The following CSMD1 variants were observed in gnomAD, a reference collection of about 807,000 sequenced individuals.
CSMD1 encodes the protein CUB and sushi domain-containing protein 1.
A neutral mutation model predicts 417.5 loss-of-function variants in CSMD1; 213 were observed. That is an observed-to-expected ratio of 0.51 (90% CI 0.46 to 0.57). CSMD1 has a LOEUF of 0.57. CSMD1 is among the 20% of genes least tolerant of loss of function. The pLI is 0.00. For synonymous variants in CSMD1, 2,862 were observed against 1,736.8 expected, an observed-to-expected ratio of 1.65 and a Z score of -16.11; for missense variants, 6,923 against 4,529.7, an observed-to-expected ratio of 1.53 and a Z score of -15.17.
intron 1 of CSMD1, among the ~76,000 whole-genome samples, chr8:4,687,246 G>A (rs1055991807): frequency 2.0e-5 from 3 of 152,272 alleles, no homozygotes; most frequent in African/African-American, 7.2e-5. Flanking sequence ...GGTAGCCACA[G>A]GATGCTGGCA....
At chr8:3,313,058 A>G (rs2117427520) in intron 23 of CSMD1, among the ~76,000 whole-genome samples, 1 of 152,324 alleles carries the variant, frequency 6.6e-6, no homozygotes, top group South Asian at 2.1e-4. Flanking sequence ...GACAACATAA[A>G]ATTCTATGAT....
chr8:4,714,055 G>T (rs1010057913), intron 1 of CSMD1, among the ~76,000 whole-genome samples: 4 of 152,064 alleles, frequency 2.6e-5, no homozygotes, highest in African/African-American at 9.7e-5. Flanking sequence ...TGAGGCAGGA[G>T]GATCACCTGA....
At chr8:3,539,971 C>T (rs186754924) in intron 10 of CSMD1, among the ~76,000 whole-genome samples, 1 of 152,076 alleles carries the variant, frequency 6.6e-6, no homozygotes, top group Non-Finnish European at 1.5e-5. Flanking sequence ...GTTTGAGAAA[C>T]AGTCTTCTAA....
chr8:3,321,422 C>T (rs1193359979), intron 23 of CSMD1, among the ~76,000 whole-genome samples: 1 of 152,146 alleles, frequency 6.6e-6, no homozygotes, highest in Non-Finnish European at 1.5e-5. Context: ...CCTGCATATT[C>T]CTCCTGAAGG....
intron 2 of CSMD1, among the ~76,000 whole-genome samples, chr8:4,470,956 A>C (rs1166107358): frequency 6.6e-6 from 1 of 152,214 alleles, no homozygotes; most frequent in Non-Finnish European, 1.5e-5. Flanking sequence ...CTCAAGTGAC[A>C]TGTCAATTCA....
rs567457496 is a variant in CSMD1 at position 3,974,242 on chromosome 8, A to T, written c.818+23661T>A. On this transcript the variant is annotated intron_variant, in intron 5 of 69. Transcript: ENST00000635120. Reference sequence around the variant, plus strand: ...CATAAGAGTTATTTTTAAATAATATAATTATCTTAAATAATTATTTTTCTT... The same window carrying T: ...CATAAGAGTTATTTTTAAATAATATTATTATCTTAAATAATTATTTTTCTT... Among the ~76,000 whole-genome samples, 10 of 150,774 alleles carry T rather than the reference A, an allele frequency of 6.6e-5. No individual in the cohort carries two copies. In the South Asian group the frequency reaches 1.1e-3, roughly 16 times the overall value.
intron 1 of CSMD1, among the ~76,000 whole-genome samples, chr8:4,738,780 A>C (rs1427094898): frequency 6.6e-6 from 1 of 152,194 alleles, no homozygotes; most frequent in Non-Finnish European, 1.5e-5. Context: ...AGCTTGATAC[A>C]ATAAACAAAT....
At chr8:3,800,609 A>C (rs1800402201) in intron 5 of CSMD1, among the ~76,000 whole-genome samples, 1 of 152,174 alleles carries the variant, frequency 6.6e-6, no homozygotes, top group Non-Finnish European at 1.5e-5. Context: ...CCAATGTGTC[A>C]GTGTTGGGCC....
intron 10 of CSMD1, among the ~76,000 whole-genome samples, chr8:3,528,457 T>G (rs1797843819): frequency 6.6e-6 from 1 of 152,232 alleles, no homozygotes; most frequent in Admixed American, 6.5e-5. Flanking sequence ...TTCTATGCCT[T>G]GCTTCAGCTT....
At chr8:4,027,436 G>T (rs1285163624) in intron 4 of CSMD1, among the ~76,000 whole-genome samples, 7 of 152,082 alleles carry the variant, frequency 4.6e-5, no homozygotes, top group Admixed American at 1.3e-4. Context: ...GATCATGGGG[G>T]TGGGTCCTCC....
intron 2 of CSMD1, among the ~76,000 whole-genome samples, chr8:4,443,841 C>A (rs893896315): frequency 7.9e-5 from 12 of 152,172 alleles, no homozygotes; most frequent in African/African-American, 2.9e-4. Flanking sequence ...TAGTAACGAA[C>A]TTCTGGGTAA....
chr8:3,521,454 G>C (rs1338453867), intron 10 of CSMD1, among the ~76,000 whole-genome samples: 1 of 152,138 alleles, frequency 6.6e-6, no homozygotes, highest in Non-Finnish European at 1.5e-5. Flanking sequence ...CACTGGCCTT[G>C]AACTTCATGG....
chr8:4,206,389 C>G (rs977363266), intron 3 of CSMD1, among the ~76,000 whole-genome samples: 4 of 152,106 alleles, frequency 2.6e-5, no homozygotes, highest in African/African-American at 9.7e-5. Context: ...ATTCCCCACC[C>G]TGTCTCCAAC....
At chr8:4,035,854 A>G (rs1357693571) in intron 3 of CSMD1, among the ~76,000 whole-genome samples, 1 of 152,212 alleles carries the variant, frequency 6.6e-6, no homozygotes, top group East Asian at 1.9e-4. Context: ...TATGAAGTCT[A>G]CAGTCGTACA....
intron 2 of CSMD1, among the ~76,000 whole-genome samples, chr8:4,604,074 AGTT>A (rs1054973293): frequency 6.6e-6 from 1 of 152,082 alleles, no homozygotes; most frequent in African/African-American, 2.4e-5. Flanking sequence ...TCATCAACTT[AGTT>A]GTTATCATAG....
chr8:3,733,104 G>A (rs1460676982), intron 6 of CSMD1, among the ~76,000 whole-genome samples: 1 of 150,262 alleles, frequency 6.7e-6, no homozygotes, highest in Admixed American at 6.7e-5. Context: ...ACCAACAGAG[G>A]CTAAAGTGGA....
At chr8:3,843,945 G>A (rs555487149) in intron 5 of CSMD1, among the ~76,000 whole-genome samples, 2 of 152,264 alleles carry the variant, frequency 1.3e-5, no homozygotes, top group East Asian at 3.9e-4. Flanking sequence ...GGTTATCTGA[G>A]AACAATGATG....
chr8:3,630,494 G>A (rs1052195268), intron 7 of CSMD1, among the ~76,000 whole-genome samples: 1 of 152,130 alleles, frequency 6.6e-6, no homozygotes, highest in Admixed American at 6.6e-5. Context: ...AGATGAGAAG[G>A]TCCAATTTAT....
intron 1 of CSMD1, among the ~76,000 whole-genome samples, chr8:4,816,393 G>A (rs1305164731): frequency 1.3e-5 from 2 of 151,916 alleles, no homozygotes; most frequent in Non-Finnish European, 2.9e-5. Flanking sequence ...GGGGGCTGGG[G>A]GCACTGTGGG....
Sources: gnomAD v4.1 joint callset for allele counts (sites outside exome capture counted in the v4.1 genomes callset) on GRCh38, gnomAD v4.1.1 for gene constraint, MANE v1.5 for transcripts, NCBI Gene and HGNC (gene_info 2026-07-23, HGNC 2026-07-21) for gene names.